Variants in ITIH3 observed in about 807,000 individuals in gnomAD.
The protein encoded by ITIH3 is inter-alpha-trypsin inhibitor heavy chain 3.
Under a neutral mutation model 96.5 loss-of-function variants are expected in ITIH3, and 81 were observed. That is an observed-to-expected ratio of 0.84 (90% CI 0.70 to 1.01). ITIH3 has a LOEUF of 1.01. Ranked by LOEUF, ITIH3 falls within the 50% of genes least tolerant of loss-of-function variation. The pLI is 0.00. For missense variants in ITIH3, 1,057 were observed against 1,139.3 expected (o/e 0.93, Z 1.04); for synonymous variants, 422 against 445.2 (o/e 0.95, Z 0.66).
In ITIH3 at chr3:52,807,686, G is replaced by A. The variant is rs1392240250; in HGVS notation, c.2262-61G>A. 5.9e-6 allele frequency: 9 copies of A among 1,538,342 alleles called. No homozygotes were observed. In the Admixed American group the frequency reaches 5.9e-5, roughly 10 times the overall value. The stretch of plus-strand genomic sequence containing the variant: ...GGAGGCCCCACCAAAACGCCCTTGA[G>A]TCAGATGCCCAGTGTCACGGCCACT... On this transcript the variant is annotated intron_variant, in intron 19 of 21. Transcript: ENST00000449956.
chr3:52,806,819 T>C, intron 18 of ITIH3, 82 bp from the exon 19 acceptor site: 2 of 1,147,852 alleles, frequency 1.7e-6, no homozygotes. Context: ...CCAGTCTGGT[T>C]GAAGAGGAAG....
intron 18 of ITIH3, 81 bp downstream of exon 18, chr3:52,806,487 G>C: frequency 9.5e-7 from 1 of 1,051,468 alleles, no homozygotes; most frequent in Non-Finnish European, 1.4e-6. Flanking sequence ...ACAGGGAACA[G>C]GTTCTCACTC....
At chr3:52,799,197 T>C in intron 7 of ITIH3, 106 bp downstream of exon 7, 1 of 1,434,472 alleles carries the variant, frequency 7.0e-7, no homozygotes, top group South Asian at 1.3e-5. Context: ...CCAAGGCTGT[T>C]TTCCTGCAGG....
At position 52,801,077 on chromosome 3, in the gene ITIH3, C is replaced by T. The variant is rs539970798; in HGVS notation, c.1314C>T (p.Asn438=). 1 of 1,611,522 alleles carries T rather than the reference C, an allele frequency of 6.2e-7. No homozygotes were observed. The highest frequency in any genetic ancestry group is 2.2e-5 in the East Asian group (1 of 44,884). The change falls in exon 11 of 22, where the codon AAC becomes AAT. Residue 438 remains asparagine, a synonymous_variant. Coordinates refer to ENST00000449956, the MANE Select transcript of ITIH3 (RefSeq NM_002217.4). ...GNNLNYNFLE[N]MALENHGFAR... is the part of the protein sequence containing the mutation. ...ATCTGAATTATAACTTCCTGGAGAA[C>T]ATGGCCCTGGAGAACCATGGGTTTG...
chr3:52,799,001 G>T lies in ITIH3; in HGVS notation c.699G>T (p.Gln233His). The change falls in exon 7 of 22, where the codon CAG becomes CAT. Residue 233 changes from glutamine to histidine, a missense_variant. By Grantham distance (24) the Gln-to-His change is conservative (BLOSUM62 0). Transcript: ENST00000449956. ...CCTTCAAGCCCAGCTTAGACCAACA[G>T]CGTTCATGCCCAACCTGTACAGACT... is the stretch of plus-strand genomic sequence containing the variant. The part of the protein sequence containing the change: ...HVSFKPSLDQ[Q>H]RSCPTCTDSL... 1 of 1,613,634 alleles carries T rather than the reference G, an allele frequency of 6.2e-7. No individual in the cohort carries two copies. Among genetic ancestry groups the T allele is most frequent in the Non-Finnish European group, 8.5e-7 (1 of 1,179,740 alleles).
Position 52,799,370 on chromosome 3 carries a change from A to C in ITIH3, c.790-2A>C. 2 of 1,586,780 alleles carry C rather than the reference A, an allele frequency of 1.3e-6. No individual in the cohort carries two copies. The highest frequency in any genetic ancestry group is 2.3e-5 in the South Asian group (2 of 87,160). On this transcript the variant is annotated splice_acceptor_variant, in intron 7 of 21. Coordinates refer to ENST00000449956, the MANE Select transcript of ITIH3 (RefSeq NM_002217.4). LOFTEE classifies it high-confidence loss of function. The stretch of plus-strand genomic sequence containing the variant: ...GCCTCCGTCCCTCTCCCCACTTTCC[A>C]GATAGTCAATGGCTACTTCGTGCAC...
intron 19 of ITIH3, 100 bp from the exon 20 acceptor site, chr3:52,807,647 G>A (rs778150158): frequency 4.5e-4 from 498 of 1,096,966 alleles, no homozygotes; most frequent in Non-Finnish European, 6.1e-4. Context: ...GGGCCCTCGG[G>A]TGCCATGTAC....
intron 14 of ITIH3, chr3:52,804,308 G>A (rs1699959248): frequency 4.3e-6 from 2 of 466,508 alleles, no homozygotes; most frequent in Non-Finnish European, 7.7e-6. Context: ...GAAGGGCTTA[G>A]TTAGACAAGA....
intron 8 of ITIH3, 53 bp downstream of exon 8, chr3:52,799,541 G>A (rs1001487574): frequency 7.5e-7 from 1 of 1,334,418 alleles, no homozygotes; most frequent in African/African-American, 1.5e-5. Context: ...GGGTGGAAGA[G>A]ATTTTTTTTT....
Position 52,801,108 on chromosome 3 carries a change from C to T in ITIH3, c.1345C>T (p.Arg449Cys), listed in dbSNP as rs377051203. 61 of 1,598,678 alleles carry T rather than the reference C, an allele frequency of 3.8e-5. No individual in the cohort carries two copies. The highest frequency in any genetic ancestry group is 1.7e-4 in the Middle Eastern group (1 of 6,014). Residue 449 changes from arginine (R) to cysteine (C), a missense_variant, in exon 11 of 22, where the codon CGC becomes TGC. Physicochemically the swap from Arg to Cys is radical, Grantham distance 180 (BLOSUM62 -3). Transcript: ENST00000449956. ...MALENHGFAR[R>C]IYEDSDADLQ... ...CCTGGAGAACCATGGGTTTGCCCGG[C>T]GCATTTATGAGGACTCTGATGCCGA...
Position 52,803,909 on chromosome 3 carries a change from G to A in ITIH3, c.1764G>A (p.Leu588=), listed in dbSNP as rs577043139. 2.5e-4 allele frequency: 405 copies of A among 1,614,002 alleles called. 2 individuals carry two copies. In the South Asian group the frequency reaches 3.6e-3, roughly 14 times the overall value. The change falls in exon 14 of 22, where the codon CTG becomes CTA. Residue 588 remains leucine (L), a synonymous_variant. Coordinates refer to ENST00000449956, the MANE Select transcript of ITIH3 (RefSeq NM_002217.4). ...ACCTCACGGCCCGGGCCCTGGACCT[G>A]TCCCTCAAGTATCACTTTGTGACTC... ...KENLTARALD[L]SLKYHFVTPL...
chr3:52,799,259 G>A, intron 7 of ITIH3, 113 bp from the exon 8 acceptor site: 1 of 1,142,988 alleles, frequency 8.7e-7, no homozygotes, highest in Non-Finnish European at 1.2e-6. Flanking sequence ...CTAGAGGGTG[G>A]GATAGGAACG....
At position 52,805,798 on chromosome 3, in the gene ITIH3, G is replaced by A. The variant is rs752784268; in HGVS notation, c.1874-10G>A. The A allele has an allele frequency of 4.0e-5, 64 of 1,613,674 alleles. No individual in the cohort carries two copies. The highest frequency in any genetic ancestry group is 4.9e-5 in the Non-Finnish European group (58 of 1,179,786). On this transcript the variant is annotated splice_polypyrimidine_tract_variant and intron_variant, in intron 15 of 21. Coordinates refer to ENST00000449956, the MANE Select transcript of ITIH3 (RefSeq NM_002217.4). ...TAGACCCTGCTCACCACTGCCCTTCGGCTTTTCAGCCACACCGGTGAGCCC... is the reference window on the plus strand; with the variant it reads ...TAGACCCTGCTCACCACTGCCCTTCAGCTTTTCAGCCACACCGGTGAGCCC...
In ITIH3 at chr3:52,799,412, G is replaced by C. The variant is rs751651271; in HGVS notation, c.830G>C (p.Gly277Ala). The C allele has an allele frequency of 6.2e-7, 1 of 1,611,542 alleles. No individual in the cohort carries two copies. The highest frequency in any genetic ancestry group is 1.1e-5 in the South Asian group (1 of 90,486). The part of the protein sequence containing the change: ...GYFVHFFAPQ[G>A]LPVVPKNVAF... ...TTCGTGCACTTCTTTGCACCTCAAG[G>C]CCTTCCAGTGGTGCCTAAGAACGTG... The change falls in exon 8 of 22, where the codon GGC (glycine) becomes GCC (alanine). Residue 277 changes from glycine to alanine, a missense_variant. Transcript: ENST00000449956.
intron 5 of ITIH3, 86 bp from the exon 6 acceptor site, chr3:52,797,731 C>T: frequency 1.2e-6 from 1 of 817,184 alleles, no homozygotes; most frequent in Non-Finnish European, 2.0e-6. Context: ...TGCATCACCA[C>T]AGACCCATCT....
Position 52,808,199 on chromosome 3 carries a change from A to T in ITIH3, c.2521A>T (p.Asn841Tyr). Residue 841 changes from asparagine (N) to tyrosine (Y), a missense_variant, in exon 21 of 22, where the codon AAC (asparagine) becomes TAC (tyrosine). Transcript: ENST00000449956. Reference protein sequence around the residue: ...TKPDATLVVKNHQLIVTRGSQ... With the variant: ...TKPDATLVVKYHQLIVTRGSQ... Reference sequence around the variant, plus strand: ...GCCAGATGCCACATTGGTGGTGAAGAACCATCAGCTGATTGTCACCAGGTG... The same window carrying T: ...GCCAGATGCCACATTGGTGGTGAAGTACCATCAGCTGATTGTCACCAGGTG... 6.2e-7 allele frequency: 1 copy of T among 1,614,132 alleles called. No homozygotes were observed. The highest frequency in any genetic ancestry group is 8.5e-7 in the Non-Finnish European group (1 of 1,179,962).
chr3:52,803,393 A>T (rs1197800992), intron 13 of ITIH3, among the ~76,000 whole-genome samples: 6 of 149,204 alleles, frequency 4.0e-5, no homozygotes, highest in African/African-American at 1.5e-4. Flanking sequence ...ATCTCGGCTC[A>T]CTGCAAGCTC....
intron 2 of ITIH3, 132 bp downstream of exon 2, chr3:52,795,755 G>A: frequency 1.2e-6 from 1 of 851,674 alleles, no homozygotes; most frequent in Non-Finnish European, 1.8e-6. Context: ...CCTCTGCCCT[G>A]GCAGCCTCCA....
rs202066612 is a variant in ITIH3 at position 52,805,769 on chromosome 3, C to T, written c.1874-39C>T. On this transcript the variant is annotated intron_variant, in intron 15 of 21. Transcript: ENST00000449956. ...AGGCACGGGGCTGGGGGAGAAGGAA[C>T]CCCTAGACCCTGCTCACCACTGCCC... 496 of 1,613,090 alleles carry T rather than the reference C, an allele frequency of 3.1e-4. 1 individual carries two copies. The highest frequency in any genetic ancestry group is 5.8e-4 in the South Asian group (53 of 91,020).
Sources: gnomAD v4.1 joint callset for allele counts (sites outside exome capture counted in the v4.1 genomes callset) on GRCh38, gnomAD v4.1.1 for gene constraint, MANE v1.5 for transcripts, NCBI Gene and HGNC (gene_info 2026-07-23, HGNC 2026-07-21) for gene names.